The following TBCD variants were observed in gnomAD, a reference collection of about 807,000 sequenced individuals.
The protein encoded by TBCD is tubulin folding cofactor D.
A neutral mutation model predicts 169.3 loss-of-function variants in TBCD; 105 were observed. The ratio of observed to expected loss-of-function variants is 0.62; its 90% confidence interval spans 0.53 to 0.73. TBCD has a LOEUF of 0.73. TBCD is among the 30% of genes least tolerant of loss of function. The probability of loss-of-function intolerance (pLI) is 0.00; values close to 1 mark genes in which losing one functional copy is unlikely to be tolerated. For missense variants in TBCD, 1,444 were observed against 1,600.1 expected (o/e 0.90, Z 1.66); for synonymous variants, 700 against 643.9 (o/e 1.09, Z -1.32).
chr17:82,823,637 G>A (rs2052592420), intron 13 of TBCD, among the ~76,000 whole-genome samples: 1 of 151,780 alleles, frequency 6.6e-6, no homozygotes, highest in Non-Finnish European at 1.5e-5. Flanking sequence ...GGGCGTTGTC[G>A]GCATCTTCTC....
chr17:82,844,868 A>C (rs115382411), intron 13 of TBCD, among the ~76,000 whole-genome samples: 4,263 of 152,116 alleles, frequency 0.028, 221 homozygotes, highest in African/African-American at 0.096. Flanking sequence ...CAGGTGCATC[A>C]CCTGCACTGG....
chr17:82,823,807 T>C (rs979597744), intron 13 of TBCD, among the ~76,000 whole-genome samples: 4 of 152,102 alleles, frequency 2.6e-5, no homozygotes, highest in African/African-American at 7.3e-5. Context: ...ACAAATTTGC[T>C]CTTTTTATTA....
intron 14 of TBCD, among the ~76,000 whole-genome samples, chr17:82,872,250 C>A (rs572638303): frequency 1.3e-5 from 2 of 152,250 alleles, no homozygotes; most frequent in African/African-American, 4.8e-5. Context: ...GAGAACAGCG[C>A]GGCTGGAGGG....
chr17:82,815,308 C>T (rs985949199), intron 13 of TBCD, among the ~76,000 whole-genome samples: 1 of 152,222 alleles, frequency 6.6e-6, no homozygotes, highest in Non-Finnish European at 1.5e-5. Context: ...AACCGGTTTT[C>T]ATTCTTGAGG....
rs377668958 is a variant in TBCD, at chr17:82,906,072, G to A, written c.1922+19G>A. On this transcript the variant is annotated intron_variant, in intron 20 of 38. Coordinates refer to ENST00000355528, the MANE Select transcript of TBCD (RefSeq NM_005993.5). The stretch of plus-strand genomic sequence containing the variant: ...AGAACAGGTAGGAAGAGTGGGTCTC[G>A]AGGAGACACAGGGCTCTGTCCCTGA... 46 of 1,561,072 alleles carry A rather than the reference G, an allele frequency of 2.9e-5. No individual in the cohort carries two copies. Among genetic ancestry groups the A allele is most frequent in the Non-Finnish European group, 3.9e-5 (45 of 1,144,062 alleles).
chr17:82,940,184 C>T (rs1156783145), intron 37 of TBCD, among the ~76,000 whole-genome samples: 2 of 151,220 alleles, frequency 1.3e-5, no homozygotes, highest in Non-Finnish European at 2.9e-5. Context: ...GGCATGGGCA[C>T]CCATGCTGGC....
At chr17:82,861,083 CAGGT>C (rs2056719466) in intron 13 of TBCD, among the ~76,000 whole-genome samples, 1 of 152,060 alleles carries the variant, frequency 6.6e-6, no homozygotes, top group Non-Finnish European at 1.5e-5. Context: ...AGCTTTGTCC[CAGGT>C]GCTGCAGGGT....
intron 33 of TBCD, among the ~76,000 whole-genome samples, chr17:82,931,389 C>T (rs1319967747): frequency 6.6e-6 from 1 of 152,246 alleles, no homozygotes; most frequent in Non-Finnish European, 1.5e-5. Context: ...GGGCTCCAGC[C>T]CAAGGTTTCC....
chr17:82,818,499 G>A (rs913785580), intron 13 of TBCD, among the ~76,000 whole-genome samples: 3 of 152,222 alleles, frequency 2.0e-5, no homozygotes, highest in East Asian at 1.9e-4. Context: ...ACGTGTGGTG[G>A]CGGTGCCTTT....
intron 22 of TBCD, among the ~76,000 whole-genome samples, chr17:82,910,080 G>A (rs2060521840): frequency 6.6e-6 from 1 of 152,254 alleles, no homozygotes; most frequent in African/African-American, 2.4e-5. Flanking sequence ...TGGGTTTCCA[G>A]CCTTTGGCTA....
intron 34 of TBCD, among the ~76,000 whole-genome samples, chr17:82,934,271 A>G (rs1389562151): frequency 1.3e-5 from 2 of 152,134 alleles, no homozygotes; most frequent in Non-Finnish European, 2.9e-5. Flanking sequence ...CGGGAGGCAG[A>G]TCTGGTCTCT....
intron 6 of TBCD, among the ~76,000 whole-genome samples, chr17:82,781,237 G>A (rs972544314): frequency 2.0e-5 from 3 of 151,090 alleles, no homozygotes; most frequent in Non-Finnish European, 4.4e-5. Context: ...GGTCCAGGGA[G>A]GAGGGAGGGG....
intron 12 of TBCD, among the ~76,000 whole-genome samples, chr17:82,812,571 A>G (rs1598651242): frequency 6.6e-6 from 1 of 152,114 alleles, no homozygotes; most frequent in South Asian, 2.1e-4. Context: ...TTTGAGATGG[A>G]GTCTCGCTCT....
At position 82,915,761 on chromosome 17, in the gene TBCD, TCTC is replaced by T. The variant is rs780790782; in HGVS notation, c.2038+3976_2038+3978del. Among the ~76,000 whole-genome samples the T allele has an allele frequency of 2.0e-5, 3 of 152,026 alleles. No individual in the cohort carries two copies. Among genetic ancestry groups the T allele is most frequent in the African/African-American group, 4.8e-5 (2 of 41,384 alleles). On this transcript the variant is annotated intron_variant, in intron 23 of 38. Coordinates refer to ENST00000355528, the MANE Select transcript of TBCD (RefSeq NM_005993.5). The surrounding 1 kb of genome is among the most constrained non-coding windows in gnomAD (Gnocchi z 4.3). ...AGGCGTCACGAGAATCAGGAAAAGT[TCTC>T]CTCTCATGCCGAAGACGGGAGGGAA...
chr17:82,795,481 C>A, intron 7 of TBCD: 1 of 966,526 alleles, frequency 1.0e-6, no homozygotes, highest in Non-Finnish European at 1.2e-6. Flanking sequence ...CCAGCAGCCT[C>A]TGTAGCGGTC....
intron 2 of TBCD, among the ~76,000 whole-genome samples, chr17:82,763,684 T>C (rs916136333): frequency 2.6e-5 from 4 of 151,886 alleles, no homozygotes; most frequent in Admixed American, 1.3e-4. Flanking sequence ...GAGGTTGCAG[T>C]GAGCTGAGAT....
intron 7 of TBCD, among the ~76,000 whole-genome samples, chr17:82,783,037 C>T (rs927735326): frequency 1.0e-4 from 15 of 149,694 alleles, no homozygotes; most frequent in Admixed American, 6.7e-4. Flanking sequence ...TTCCTGCCCG[C>T]GGTTTTGTCC....
intron 37 of TBCD, 48 bp downstream of exon 37, chr17:82,939,524 C>T (rs1240647985): frequency 1.4e-6 from 2 of 1,442,216 alleles, no homozygotes; most frequent in Non-Finnish European, 1.9e-6. Flanking sequence ...GGCACCGCCC[C>T]TCTTCCTGTC....
At chr17:82,861,626 T>C (rs1311395652) in intron 13 of TBCD, among the ~76,000 whole-genome samples, 1 of 152,220 alleles carries the variant, frequency 6.6e-6, no homozygotes, top group Admixed American at 6.5e-5. Flanking sequence ...AGCTGCAGCT[T>C]GGTAAATGCA....
Sources: allele counts gnomAD v4.1 joint callset (sites outside exome capture counted in the v4.1 genomes callset), GRCh38; gene constraint gnomAD v4.1.1; non-coding constraint Gnocchi (gnomAD v3.1); transcripts MANE v1.5; gene names NCBI Gene and HGNC (gene_info 2026-07-23, HGNC 2026-07-21).